KCNK18: variants seen among roughly 807,000 people sequenced by gnomAD.
KCNK18 encodes potassium two pore domain channel subfamily K member 18.
A neutral mutation model predicts 11.8 loss-of-function variants in KCNK18; 8 were observed. That is an observed-to-expected ratio of 0.68 (90% CI 0.40 to 1.22). The LOEUF (loss-of-function observed/expected upper bound fraction) is 1.22. Among genes scored for constraint, KCNK18 ranks in the 50% most tolerant of loss-of-function variants. The pLI is 0.01. For missense variants in KCNK18, 442 were observed against 465.4 expected, an observed-to-expected ratio of 0.95 and a Z score of 0.46; for synonymous variants, 208 against 185.8, an observed-to-expected ratio of 1.12 and a Z score of -0.97.
intron 2 of KCNK18, among the ~76,000 whole-genome samples, chr10:117,202,184 C>A (rs363356): frequency 6.9e-4 from 105 of 152,346 alleles, no homozygotes; most frequent in African/African-American, 2.4e-3. Context: ...GCCCCTCATG[C>A]TGAAGGTCAG....
Position 117,209,553 on chromosome 10 carries a change from G to T in KCNK18, c.409G>T (p.Ala137Ser). ...RLGKYLCMLYALFGIPLMFLV... is the reference protein window; with the variant it reads ...RLGKYLCMLYSLFGIPLMFLV... ...TGGCAAGTACTTGTGCATGCTCTATGCTCTCTTTGGTATCCCCCTGATGTT... is the reference window on the plus strand; with the variant it reads ...TGGCAAGTACTTGTGCATGCTCTATTCTCTCTTTGGTATCCCCCTGATGTT... Residue 137 changes from alanine (A) to serine (S), a missense_variant, in exon 3 of 3, where the codon GCT becomes TCT. Coordinates refer to ENST00000334549, the MANE Select transcript of KCNK18 (RefSeq NM_181840.1). 1 of 1,614,130 alleles carries T rather than the reference G, an allele frequency of 6.2e-7. No homozygotes were observed. The highest frequency in any genetic ancestry group is 8.5e-7 in the Non-Finnish European group (1 of 1,180,018).
rs149086378 is a variant in KCNK18 at position 117,206,377 on chromosome 10, G to C, written c.353-3120G>C. 7.9e-5 allele frequency among the ~76,000 whole-genome samples: 12 copies of C among 152,194 alleles called. No individual in the cohort carries two copies. In the East Asian group the frequency reaches 2.3e-3, roughly 29 times the overall value. On this transcript the variant is annotated intron_variant, in intron 2 of 2. Transcript: ENST00000334549. ...TTCTCTGTGTAAAATATCTTGCTCAGCCTCTCCCTTATCAGGACACTTGTA... is the reference window on the plus strand; with the variant it reads ...TTCTCTGTGTAAAATATCTTGCTCACCCTCTCCCTTATCAGGACACTTGTA...
At chr10:117,200,814 G>GAAAAA (rs36101740) in intron 1 of KCNK18, among the ~76,000 whole-genome samples, 2 of 145,480 alleles carry the variant, frequency 1.4e-5, no homozygotes, top group Admixed American at 6.8e-5. Context: ...CTTGTCTCAA[G>GAAAAA]AAAAAAAAAA....
chr10:117,201,395 C>A, intron 2 of KCNK18, 108 bp downstream of exon 2: 1 of 1,153,572 alleles, frequency 8.7e-7, no homozygotes, highest in Non-Finnish European at 1.3e-6. Context: ...CTCTCCCTCT[C>A]TTCTTCCCTC....
chr10:117,201,893 G>T (rs1399788729), intron 2 of KCNK18, among the ~76,000 whole-genome samples: 1 of 152,230 alleles, frequency 6.6e-6, no homozygotes, highest in Non-Finnish European at 1.5e-5. Flanking sequence ...CTCACTCTGA[G>T]CTGGCTGGCC....
At chr10:117,202,052 CAT>C (rs1855019338) in intron 2 of KCNK18, among the ~76,000 whole-genome samples, 1 of 152,222 alleles carries the variant, frequency 6.6e-6, no homozygotes, top group Non-Finnish European at 1.5e-5. Context: ...GAGCGTGGCC[CAT>C]CACTCAGCCC....
chr10:117,206,180 TCA>T (rs1855072307), intron 2 of KCNK18, among the ~76,000 whole-genome samples: 1 of 152,114 alleles, frequency 6.6e-6, no homozygotes, highest in African/African-American at 2.4e-5. Context: ...AAATTCGAAA[TCA>T]GTTTTACTGA....
chr10:117,202,685 G>C (rs917733163), intron 2 of KCNK18, among the ~76,000 whole-genome samples: 6 of 152,164 alleles, frequency 3.9e-5, no homozygotes, highest in Non-Finnish European at 8.8e-5. Flanking sequence ...CCCAGGCAAG[G>C]GGATTGGAGC....
chr10:117,199,122 A>T (rs771629752), intron 1 of KCNK18, among the ~76,000 whole-genome samples: 13 of 152,172 alleles, frequency 8.5e-5, no homozygotes, highest in African/African-American at 2.7e-4. Context: ...GTTTGAGACT[A>T]GGCCTGGGCA....
At chr10:117,199,661 A>C (rs1046799424) in intron 1 of KCNK18, among the ~76,000 whole-genome samples, 1 of 152,220 alleles carries the variant, frequency 6.6e-6, no homozygotes, top group Non-Finnish European at 1.5e-5. Flanking sequence ...TGAACCTTTC[A>C]CCACCATCTC....
chr10:117,207,693 A>C (rs1330436371), intron 2 of KCNK18, among the ~76,000 whole-genome samples: 1 of 152,074 alleles, frequency 6.6e-6, no homozygotes, highest in Non-Finnish European at 1.5e-5. Flanking sequence ...TCCCTCCCCT[A>C]CACTTGGGAC....
intron 2 of KCNK18, among the ~76,000 whole-genome samples, chr10:117,201,571 C>T (rs58555599): frequency 0.067 from 10,168 of 152,236 alleles, 554 homozygotes; most frequent in Admixed American, 0.16. Context: ...CCAGCAGGTC[C>T]GTCAGTTTCA....
Position 117,210,168 on chromosome 10 carries a change from A to G in KCNK18, c.1024A>G (p.Ile342Val), listed in dbSNP as rs773008291. ...EHPNFFLFFS[I>V]YIIVGMEIVF... ...CCCTAACTTCTTCCTGTTCTTCTCCATTTATATCATCGTTGGAATGGAGAT... is the reference window on the plus strand; with the variant it reads ...CCCTAACTTCTTCCTGTTCTTCTCCGTTTATATCATCGTTGGAATGGAGAT... The change falls in exon 3 of 3, where the codon ATT (isoleucine) becomes GTT (valine). Residue 342 changes from isoleucine to valine, a missense_variant. Coordinates refer to ENST00000334549, the MANE Select transcript of KCNK18 (RefSeq NM_181840.1). 2 of 1,614,182 alleles carry G rather than the reference A, an allele frequency of 1.2e-6. No individual in the cohort carries two copies. Among genetic ancestry groups the G allele is most frequent in the Non-Finnish European group, 8.5e-7 (1 of 1,180,032 alleles).
chr10:117,206,739 C>A (rs114379456), intron 2 of KCNK18, among the ~76,000 whole-genome samples: 1 of 152,162 alleles, frequency 6.6e-6, no homozygotes, highest in African/African-American at 2.4e-5. Flanking sequence ...AGTTAGAAAA[C>A]CATATCCCTC....
rs1489637943 is a variant in KCNK18 at position 117,210,177 on chromosome 10, A to T, written c.1033A>T (p.Ile345Phe). Residue 345 changes from isoleucine to phenylalanine, a missense_variant, in exon 3 of 3, where the codon ATC becomes TTC. Coordinates refer to ENST00000334549, the MANE Select transcript of KCNK18 (RefSeq NM_181840.1). The part of the protein sequence containing the change: ...NFFLFFSIYI[I>F]VGMEIVFIAF... ...CTTCCTGTTCTTCTCCATTTATATCATCGTTGGAATGGAGATTGTGTTCAT... is the reference window on the plus strand; with the variant it reads ...CTTCCTGTTCTTCTCCATTTATATCTTCGTTGGAATGGAGATTGTGTTCAT... The T allele has an allele frequency of 6.2e-7, 1 of 1,613,980 alleles. No homozygotes were observed. The highest frequency in any genetic ancestry group is 8.5e-7 in the Non-Finnish European group (1 of 1,180,016).
intron 2 of KCNK18, among the ~76,000 whole-genome samples, chr10:117,207,874 C>T (rs2133706136): frequency 6.6e-6 from 1 of 152,318 alleles, no homozygotes; most frequent in East Asian, 1.9e-4. Context: ...TATTAATCAT[C>T]CTTTATGACA....
At chr10:117,206,173 T>G (rs1855072106) in intron 2 of KCNK18, among the ~76,000 whole-genome samples, 1 of 152,148 alleles carries the variant, frequency 6.6e-6, no homozygotes, top group South Asian at 2.1e-4. Flanking sequence ...AGGCCAGAAA[T>G]TCGAAATCAG....
chr10:117,203,817 G>A (rs898997057), intron 2 of KCNK18, among the ~76,000 whole-genome samples: 1 of 152,126 alleles, frequency 6.6e-6, no homozygotes, highest in Admixed American at 6.5e-5. Context: ...GATTATAGGC[G>A]TGAGCCACTG....
Position 117,200,527 on chromosome 10 carries a change from G to T in KCNK18, c.224-632G>T, listed in dbSNP as rs115823129. ...TATCTTCCTTTGAAAGATGATAGAG[G>T]CGGGGCGCGGTGGCTCACGCCTATA... On this transcript the variant is annotated intron_variant, in intron 1 of 2. Transcript: ENST00000334549. 8.5e-3 allele frequency among the ~76,000 whole-genome samples: 1,295 copies of T among 152,298 alleles called. 25 individuals are homozygous for T. Among genetic ancestry groups the T allele is most frequent in the African/African-American group, 0.03 (1,255 of 41,562 alleles).
Sources: gnomAD v4.1 joint callset for allele counts (sites outside exome capture counted in the v4.1 genomes callset) on GRCh38, gnomAD v4.1.1 for gene constraint, MANE v1.5 for transcripts, NCBI Gene and HGNC (gene_info 2026-07-23, HGNC 2026-07-21) for gene names.